Variants in NRDE2 observed in about 807,000 individuals in gnomAD.
NRDE2 encodes nuclear exosome regulator NRDE2.
In NRDE2, 76 loss-of-function variants were observed where a neutral mutation model predicts 124.2. The ratio of observed to expected loss-of-function variants is 0.61; its 90% CI spans 0.51 to 0.74. NRDE2 has a LOEUF of 0.74. Among genes scored for constraint, NRDE2 ranks in the 30% least tolerant of loss-of-function variants. The pLI, the probability that NRDE2 is intolerant of heterozygous loss-of-function variation, is 0.00. For synonymous variants in NRDE2, 489 were observed against 528.1 expected, an observed-to-expected ratio of 0.93 and a Z score of 1.01; for missense variants, 1,314 against 1,417.3, an observed-to-expected ratio of 0.93 and a Z score of 1.17.
At chr14:90,301,477 C>T in intron 6 of NRDE2, 105 bp from the exon 7 acceptor site, 1 of 955,242 alleles carries the variant, frequency 1.0e-6, no homozygotes, top group South Asian at 1.5e-5. Context: ...CACCTTTCAC[C>T]TGCAATCACT....
At chr14:90,314,097 G>A (rs986221139) in intron 3 of NRDE2, among the ~76,000 whole-genome samples, 4 of 152,346 alleles carry the variant, frequency 2.6e-5, no homozygotes, top group South Asian at 4.1e-4. Context: ...CTGAGCTAAG[G>A]AAGCAGGATA....
chr14:90,311,045 T>C (rs540756586), intron 4 of NRDE2, among the ~76,000 whole-genome samples: 2 of 152,288 alleles, frequency 1.3e-5, no homozygotes, highest in East Asian at 1.9e-4. Flanking sequence ...TGGAATTGCT[T>C]ATGTGGTGAG....
At chr14:90,327,557 GA>G (rs60195751) in intron 1 of NRDE2, among the ~76,000 whole-genome samples, 6,206 of 106,178 alleles carry the variant, frequency 0.058, 273 homozygotes, top group African/African-American at 0.14. Context: ...TCTAAAAAAA[GA>G]AAAAAAAAAA....
At chr14:90,326,393 C>T (rs1885439250) in intron 1 of NRDE2, among the ~76,000 whole-genome samples, 1 of 151,408 alleles carries the variant, frequency 6.6e-6, no homozygotes, top group Non-Finnish European at 1.5e-5. Context: ...ACTCGGGAGG[C>T]TGAGGCAGGA....
intron 11 of NRDE2, 113 bp downstream of exon 11, chr14:90,288,103 TG>T: frequency 1.1e-6 from 1 of 948,208 alleles, no homozygotes; most frequent in South Asian, 1.6e-5. Context: ...GCAGGTGTTC[TG>T]GGCACCGTGC....
chr14:90,268,143 A>T lies in NRDE2; in HGVS notation c.*10193T>A. 8.4e-7 allele frequency: 1 copy of T among 1,191,814 alleles called. No individual in the cohort carries two copies. Among genetic ancestry groups the T allele is most frequent in the Non-Finnish European group, 1.1e-6 (1 of 875,760 alleles). 73.8% of individuals were successfully genotyped at this position (1,191,814 alleles called of 1,614,324 possible). A position where few individuals can be genotyped will look rare whatever the true frequency, so the allele number is the denominator to read the frequency against. Reference sequence around the variant, plus strand: ...GCCCGCCTGTTTTTGGTGTCCATTTAAGGTGGTAATGATACGAGTTTTTAA... The same window carrying T: ...GCCCGCCTGTTTTTGGTGTCCATTTTAGGTGGTAATGATACGAGTTTTTAA... On this transcript the variant is annotated 3_prime_UTR_variant, in exon 14 of 14. Transcript: ENST00000354366.
rs780580112 is a variant in NRDE2, at chr14:90,317,986, T to G, written c.173+19A>C. 1 of 1,600,056 alleles carries G rather than the reference T, an allele frequency of 6.2e-7. No individual in the cohort carries two copies. The highest frequency in any genetic ancestry group is 1.1e-5 in the South Asian group (1 of 90,342). On this transcript the variant is annotated intron_variant, in intron 2 of 13. Transcript: ENST00000354366. ...GTAAACTGACAAAAACGAAAACACA[T>G]CTGTCAAACAAAAACTACCTTGTCA...
chr14:90,330,603 G>T (rs533190613), intron 1 of NRDE2, among the ~76,000 whole-genome samples: 22 of 152,192 alleles, frequency 1.4e-4, no homozygotes, highest in Admixed American at 5.9e-4. Flanking sequence ...TTGAGCTCAG[G>T]AGTTCGAGAC....
intron 2 of NRDE2, chr14:90,317,703 C>G (rs951074229): frequency 4.6e-6 from 1 of 219,300 alleles, no homozygotes; most frequent in African/African-American, 2.3e-5. Context: ...TAAAAAAATA[C>G]CTGAATTATG....
chr14:90,298,420 T>A, intron 7 of NRDE2, 40 bp from the exon 8 acceptor site: 1 of 1,612,022 alleles, frequency 6.2e-7, no homozygotes, highest in Non-Finnish European at 8.5e-7. Context: ...CTCACTTGTA[T>A]AAAACTGCTG....
chr14:90,316,819 G>A lies in NRDE2; in HGVS notation c.174-8C>T. ...TCTGATTTCAGATGACTCCTGTTTG[G>A]GAAAATCAACTTTAAAATTACTTTC... is the stretch of plus-strand genomic sequence containing the variant. On this transcript the variant is annotated splice_region_variant and splice_polypyrimidine_tract_variant and intron_variant, in intron 2 of 13. Transcript: ENST00000354366. 2 of 1,554,766 alleles carry A rather than the reference G, an allele frequency of 1.3e-6. No homozygotes were observed. Among genetic ancestry groups the A allele is most frequent in the Non-Finnish European group, 1.7e-6 (2 of 1,147,266 alleles).
chr14:90,301,329 G>T lies in NRDE2; in HGVS notation c.1455C>A (p.His485Gln). Residue 485 changes from histidine to glutamine, a missense_variant, in exon 7 of 14, where the codon CAC becomes CAA. Coordinates refer to ENST00000354366, the MANE Select transcript of NRDE2 (RefSeq NM_017970.4). ...GGAACAATGAGATGGCCTTCTCAGA[G>T]TGGCCAGCCTGCCGCAGAAAGTGGC... Reference protein sequence around the residue: ...QQCHFLRQAGHSEKAISLFQA... With the variant: ...QQCHFLRQAGQSEKAISLFQA... 1 of 1,613,758 alleles carries T rather than the reference G, an allele frequency of 6.2e-7. No homozygotes were observed. The highest frequency in any genetic ancestry group is 1.1e-5 in the South Asian group (1 of 91,074).
At chr14:90,315,695 C>A (rs1279704980) in intron 3 of NRDE2, among the ~76,000 whole-genome samples, 1 of 151,962 alleles carries the variant, frequency 6.6e-6, no homozygotes, top group Non-Finnish European at 1.5e-5. Context: ...GTGGCTCATG[C>A]CTGTAATCCC....
intron 4 of NRDE2, among the ~76,000 whole-genome samples, chr14:90,310,956 GT>G (rs1044462524): frequency 5.3e-5 from 8 of 152,100 alleles, no homozygotes; most frequent in African/African-American, 1.9e-4. Flanking sequence ...CAACCATAAA[GT>G]TTCCATTGAC....
chr14:90,286,447 T>TAA lies in NRDE2; in HGVS notation c.3202_3203dup (p.Leu1068PhefsTer2), dbSNP rs761867417. The stretch of plus-strand genomic sequence containing the variant: ...CAAACAGGGCTTGGATCCGATGCAT[T>TAA]AAGCCGGTCTCAGGAATTGTGGCGT... On this transcript the variant is annotated frameshift_variant, in exon 12 of 14. Coordinates refer to ENST00000354366, the MANE Select transcript of NRDE2 (RefSeq NM_017970.4). LOFTEE classifies it high-confidence loss of function. 1 of 1,614,064 alleles carries TAA rather than the reference T, an allele frequency of 6.2e-7. No homozygotes were observed. The highest frequency in any genetic ancestry group is 1.7e-5 in the Admixed American group (1 of 60,010).
At chr14:90,330,024 C>T (rs905477071) in intron 1 of NRDE2, among the ~76,000 whole-genome samples, 2 of 150,780 alleles carry the variant, frequency 1.3e-5, no homozygotes. Context: ...CTGGCCAAAA[C>T]AGTGAAACCC....
At position 90,269,445 on chromosome 14, in the gene NRDE2, G is replaced by A; in HGVS notation, c.*8891C>T. The A allele has an allele frequency of 6.2e-7, 1 of 1,611,906 alleles. No homozygotes were observed. Among genetic ancestry groups the A allele is most frequent in the Non-Finnish European group, 8.5e-7 (1 of 1,179,334 alleles). The stretch of plus-strand genomic sequence containing the variant: ...AGAGAGAAATTCAGCGAACAATGTT[G>A]GAACTGCTGAACCAGTTGGATGGAT... On this transcript the variant is annotated 3_prime_UTR_variant, in exon 14 of 14. Coordinates refer to ENST00000354366, the MANE Select transcript of NRDE2 (RefSeq NM_017970.4).
chr14:90,302,476 T>C (rs1884440368), intron 6 of NRDE2, among the ~76,000 whole-genome samples: 1 of 152,214 alleles, frequency 6.6e-6, no homozygotes, highest in Admixed American at 6.5e-5. Context: ...TATGTTTACT[T>C]GGCTAATCAG....
Position 90,276,235 on chromosome 14 carries a change from T to TTTTTC in NRDE2, c.*2100_*2101insGAAAA, listed in dbSNP as rs1555358607. 1.3e-5 allele frequency: 2 copies of TTTTTC among 150,316 alleles called. No homozygotes were observed. Among genetic ancestry groups the TTTTTC allele is most frequent in the Admixed American group, 1.3e-4 (2 of 15,054 alleles). 9.3% of individuals were successfully genotyped at this position (150,316 alleles called of 1,614,324 possible). A position where few individuals can be genotyped will look rare whatever the true frequency, so the allele number is the denominator to read the frequency against. On this transcript the variant is annotated 3_prime_UTR_variant, in exon 14 of 14. Coordinates refer to ENST00000354366, the MANE Select transcript of NRDE2 (RefSeq NM_017970.4). ...ACGGGCTGTTTTTTTTTTTTTTTTT[T>TTTTTC]CGAGACGGAGTCTTGCTGTGTCGCC...
Sources: gnomAD v4.1 joint callset for allele counts (sites outside exome capture counted in the v4.1 genomes callset) on GRCh38, gnomAD v4.1.1 for gene constraint, MANE v1.5 for transcripts, NCBI Gene and HGNC (gene_info 2026-07-23, HGNC 2026-07-21) for gene names.